THBS4: variants seen among roughly 807,000 people sequenced by gnomAD.
THBS4 encodes thrombospondin-4.
THBS4 carries 90 observed loss-of-function variants against 115.7 expected under a neutral mutation model. That is an observed-to-expected ratio of 0.78 (90% CI 0.66 to 0.93). The LOEUF (loss-of-function observed/expected upper bound fraction) is 0.93, where lower values mean the gene tolerates loss of function less well. THBS4 is among the 40% of genes least tolerant of loss of function. The pLI, the probability that THBS4 is intolerant of heterozygous loss-of-function variation, is 0.00. For missense variants in THBS4, 1,087 were observed against 1,232.7 expected (o/e 0.88, Z 1.77); for synonymous variants, 460 against 479.3 (o/e 0.96, Z 0.53).
intron 2 of THBS4, among the ~76,000 whole-genome samples, chr5:80,010,967 A>G (rs1280211992): frequency 1.3e-5 from 2 of 152,238 alleles, no homozygotes; most frequent in African/African-American, 2.4e-5. Context: ...TGACCTGGAA[A>G]TAGCATTGAT....
At chr5:80,070,490 G>A in intron 11 of THBS4, 80 bp downstream of exon 11, 1 of 1,462,012 alleles carries the variant, frequency 6.8e-7, no homozygotes, top group East Asian at 2.3e-5. Context: ...GAGGTTCTGT[G>A]GATCTAATTT....
intron 2 of THBS4, among the ~76,000 whole-genome samples, chr5:80,007,560 G>A (rs924330435): frequency 3.9e-5 from 6 of 152,196 alleles, no homozygotes; most frequent in African/African-American, 1.2e-4. Flanking sequence ...TCTGCAGAAC[G>A]TGGCTACTAC....
chr5:80,024,532 C>A (rs1832438557), intron 2 of THBS4, among the ~76,000 whole-genome samples: 1 of 152,106 alleles, frequency 6.6e-6, no homozygotes, highest in African/African-American at 2.4e-5. Context: ...AAAGGACTTC[C>A]CCAAGGCCAC....
At position 80,055,912 on chromosome 5, in the gene THBS4, C is replaced by T. The variant is rs423906; in HGVS notation, c.420C>T (p.Ser140=). The part of the protein sequence containing the change: ...RLSNLQRGAG[S]LELYLDCIQV... The stretch of plus-strand genomic sequence containing the variant: ...GCAATTTGCAGCGAGGGGCCGGCTC[C>T]CTAGAGCTCTACCTGGACTGCATCC... The change falls in exon 3 of 22, where the codon TCC becomes TCT. Residue 140 remains serine, a synonymous_variant. Transcript: ENST00000350881. 0.2 allele frequency: 321,811 copies of T among 1,613,938 alleles called. 34,074 individuals carry two copies. The highest frequency in any genetic ancestry group is 0.34 in the African/African-American group (25,754 of 74,936).
intron 15 of THBS4, among the ~76,000 whole-genome samples, chr5:80,073,857 C>T (rs915058373): frequency 2.5e-4 from 38 of 152,288 alleles, no homozygotes; most frequent in Admixed American, 2.1e-3. Flanking sequence ...ACTAGGCACT[C>T]CAGCAAGTGA....
chr5:80,076,990 G>A lies in THBS4; in HGVS notation c.2028G>A (p.Val676=), dbSNP rs755787984. The A allele has an allele frequency of 3.1e-6, 5 of 1,613,266 alleles. No homozygotes were observed. Among genetic ancestry groups the A allele is most frequent in the East Asian group, 4.5e-5 (2 of 44,838 alleles). Residue 676 remains valine (V), a synonymous_variant, in exon 16 of 22, where the codon GTG becomes GTA. Coordinates refer to ENST00000350881, the MANE Select transcript of THBS4 (RefSeq NM_003248.6). ...DDDNDGIPDL[V]PPGPDNCRLV... is the part of the protein sequence containing the mutation. The stretch of plus-strand genomic sequence containing the variant: ...ACAATGATGGTATCCCAGACCTGGT[G>A]CCCCCTGGACCAGACAACTGCCGGC...
chr5:80,080,588 T>TTTTTTTTTTTTTTTTTG (rs1743451080), intron 20 of THBS4, among the ~76,000 whole-genome samples: 1 of 132,236 alleles, frequency 7.6e-6, no homozygotes, highest in Non-Finnish European at 1.6e-5. Context: ...TCTTTTTTTT[T>TTTTTTTTTTTTTTTTTG]TTTTTTTTTT....
chr5:80,044,424 A>AT (rs984446380), intron 2 of THBS4, among the ~76,000 whole-genome samples: 1 of 150,810 alleles, frequency 6.6e-6, no homozygotes, highest in African/African-American at 2.4e-5. Flanking sequence ...TAAAAAAAAA[A>AT]TTATTTATTT....
chr5:80,079,174 C>T lies in THBS4; in HGVS notation c.2427C>T (p.Tyr809=), dbSNP rs182887861. 2.2e-5 allele frequency: 36 copies of T among 1,614,180 alleles called. No individual in the cohort carries two copies. Among genetic ancestry groups the T allele is most frequent in the East Asian group, 2.0e-4 (9 of 44,884 alleles). The change falls in exon 19 of 22, where the codon TAC becomes TAT. Residue 809 remains tyrosine (Y), a synonymous_variant. Coordinates refer to ENST00000350881, the MANE Select transcript of THBS4 (RefSeq NM_003248.6). Reference sequence around the variant, plus strand: ...GCTACCAAGATAGCTCCAGCTTCTACGTGGTCATGTGGAAGCAGACGGAGC... The same window carrying T: ...GCTACCAAGATAGCTCCAGCTTCTATGTGGTCATGTGGAAGCAGACGGAGC... ...IFGYQDSSSF[Y]VVMWKQTEQT... is the part of the protein sequence containing the mutation.
chr5:80,056,107 G>A, intron 3 of THBS4, 75 bp downstream of exon 3: 1 of 1,478,560 alleles, frequency 6.8e-7, no homozygotes, highest in Non-Finnish European at 9.0e-7. Context: ...GGAGCGTGCT[G>A]AGAAATTCCT....
chr5:80,065,452 C>G lies in THBS4; in HGVS notation c.1169C>G (p.Pro390Arg). The change falls in exon 9 of 22, where the codon CCC becomes CGC. Residue 390 changes from proline to arginine, a missense_variant. Transcript: ENST00000350881. ...GAGTGTCGAAATGGAGCGTGCGTTCCCAACTCGATCTGCGTTAATACTTTG... is the reference window on the plus strand; with the variant it reads ...GAGTGTCGAAATGGAGCGTGCGTTCGCAACTCGATCTGCGTTAATACTTTG... ...IDECRNGACVPNSICVNTLGS... is the reference protein window; with the variant it reads ...IDECRNGACVRNSICVNTLGS... 3 of 1,613,688 alleles carry G rather than the reference C, an allele frequency of 1.9e-6. No homozygotes were observed. Among genetic ancestry groups the G allele is most frequent in the Non-Finnish European group, 2.5e-6 (3 of 1,179,890 alleles).
chr5:80,040,014 G>A (rs536778118), intron 1 of THBS4, 63 bp from the exon 2 acceptor site: 19 of 1,461,820 alleles, frequency 1.3e-5, no homozygotes, highest in South Asian at 9.1e-5. Flanking sequence ...CCCAAACAAA[G>A]AAACCCTGTT....
intron 14 of THBS4, 164 bp downstream of exon 14, chr5:80,072,560 A>G: frequency 1.5e-6 from 1 of 674,324 alleles, no homozygotes. Context: ...AGATGGTGGG[A>G]TGAACACCAC....
At chr5:80,077,654 G>A (rs1743282225) in intron 16 of THBS4, among the ~76,000 whole-genome samples, 4 of 152,164 alleles carry the variant, frequency 2.6e-5, no homozygotes, top group African/African-American at 7.2e-5. Flanking sequence ...GAGATATTCT[G>A]GTAACAATAA....
chr5:80,013,514 A>G (rs1408382129), intron 2 of THBS4, among the ~76,000 whole-genome samples: 1 of 152,134 alleles, frequency 6.6e-6, no homozygotes, highest in South Asian at 2.1e-4. Context: ...ATAAAGTGAT[A>G]TCTCCATGAA....
chr5:80,059,194 G>T (rs2112095806), intron 5 of THBS4, among the ~76,000 whole-genome samples: 1 of 152,170 alleles, frequency 6.6e-6, no homozygotes, highest in African/African-American at 2.4e-5. Flanking sequence ...GCCAGGCATG[G>T]TGGTGCATGC....
At chr5:80,004,612 G>A (rs1039434881) in intron 2 of THBS4, among the ~76,000 whole-genome samples, 2 of 151,984 alleles carry the variant, frequency 1.3e-5, no homozygotes, top group Admixed American at 6.6e-5. Context: ...ACAACTTTTC[G>A]TATTATTTAG....
intron 20 of THBS4, chr5:80,082,135 TAGGCCTTGTGAGAGACAGAAGTTGGGA>T: frequency 2.5e-6 from 1 of 399,652 alleles, no homozygotes; most frequent in Non-Finnish European, 4.5e-6. Context: ...AACATCATGT[TAGGCCTTGTGAGAGACAGAAGTTGGGA>T]AGAAACACCC....
intron 12 of THBS4, 39 bp from the exon 13 acceptor site, chr5:80,070,982 G>A (rs764897556): frequency 1.2e-6 from 2 of 1,605,902 alleles, no homozygotes; most frequent in Non-Finnish European, 1.7e-6. Context: ...AGTGGATTTA[G>A]TAAAAGTCTG....
Sources: allele counts gnomAD v4.1 joint callset (sites outside exome capture counted in the v4.1 genomes callset), GRCh38; gene constraint gnomAD v4.1.1; transcripts MANE v1.5; gene names NCBI Gene and HGNC (gene_info 2026-07-23, HGNC 2026-07-21).